Variants in TCOF1 observed in about 807,000 individuals in gnomAD.
TCOF1 encodes treacle protein.
Under a neutral mutation model 149.0 loss-of-function variants are expected in TCOF1, and 33 were observed. That is an observed-to-expected ratio of 0.22 (90% CI 0.17 to 0.30). The LOEUF (loss-of-function observed/expected upper bound fraction) is 0.30, where lower values mean the gene tolerates loss of function less well. Among genes scored for constraint, TCOF1 ranks in the 10% least tolerant of loss-of-function variants. The pLI is 1.00. For synonymous variants in TCOF1, 789 were observed against 738.8 expected, an observed-to-expected ratio of 1.07 and a Z score of -1.10; for missense variants, 1,728 against 1,840.7, an observed-to-expected ratio of 0.94 and a Z score of 1.12.
chr5:150,363,308 G>A (rs534431269), intron 2 of TCOF1, among the ~76,000 whole-genome samples: 1 of 152,270 alleles, frequency 6.6e-6, no homozygotes, highest in South Asian at 2.1e-4. Flanking sequence ...TGGGAACAAG[G>A]GACCCTACTA....
At position 150,364,211 on chromosome 5, in the gene TCOF1, C is replaced by G; in HGVS notation, c.263C>G (p.Ser88Trp). ...GACCCCATCAGCACCTCGGAGAGCT[C>G]GGAAGAGGAGGAAGAAGCAGAAGCC... Reference protein sequence around the residue: ...VSDPISTSESSEEEEEAEAET... With the variant: ...VSDPISTSESWEEEEEAEAET... Residue 88 changes from serine (S) to tryptophan (W), a missense_variant, in exon 3 of 27, where the codon TCG (serine) becomes TGG (tryptophan). Physicochemically the swap from Ser to Trp is radical, Grantham distance 177. Around this residue, in one of 2 missense-constraint regions of TCOF1, gnomAD observed 1,696 missense variants for 1,765.4 expected, o/e 0.96. Transcript: ENST00000643257. 3 of 1,614,036 alleles carry G rather than the reference C, an allele frequency of 1.9e-6. No homozygotes were observed. Among genetic ancestry groups the G allele is most frequent in the Non-Finnish European group, 2.5e-6 (3 of 1,180,002 alleles).
At chr5:150,374,485 C>G in intron 8 of TCOF1, 99 bp downstream of exon 8, 1 of 1,554,352 alleles carries the variant, frequency 6.4e-7, no homozygotes, top group Non-Finnish European at 8.7e-7. Context: ...CCGGGCGTGC[C>G]TCAGACCCCA....
Position 150,375,719 on chromosome 5 carries a change from A to G in TCOF1, c.1705-2A>G. 6.2e-7 allele frequency: 1 copy of G among 1,614,228 alleles called. No individual in the cohort carries two copies. The highest frequency in any genetic ancestry group is 8.5e-7 in the Non-Finnish European group (1 of 1,180,034). ...CTCCCGATCCTGTGTATCTCACTCC[A>G]GGAAAAGTCCTTGGGGAACATCCTC... On this transcript the variant is annotated splice_acceptor_variant, in intron 11 of 26. Transcript: ENST00000643257. LOFTEE classifies it high-confidence loss of function.
chr5:150,367,349 C>T (rs543017214), intron 3 of TCOF1, among the ~76,000 whole-genome samples: 12 of 152,266 alleles, frequency 7.9e-5, no homozygotes, highest in South Asian at 2.1e-4. Context: ...CGATATCTAA[C>T]GGGGCCCAGG....
chr5:150,389,762 A>G (rs1156887495), intron 18 of TCOF1, 125 bp from the exon 19 acceptor site: 6 of 1,544,050 alleles, frequency 3.9e-6, no homozygotes, highest in East Asian at 2.4e-5. Flanking sequence ...ACAAGCTTCT[A>G]CCTCTGTAAG....
intron 8 of TCOF1, 106 bp from the exon 9 acceptor site, chr5:150,374,511 C>G (rs1562339841): frequency 6.3e-7 from 1 of 1,576,536 alleles, no homozygotes; most frequent in South Asian, 1.1e-5. Context: ...TTACTCCCCT[C>G]TCACTGTGTG....
intron 2 of TCOF1, among the ~76,000 whole-genome samples, chr5:150,362,210 T>C (rs1376549343): frequency 1.2e-4 from 18 of 152,050 alleles, no homozygotes; most frequent in Admixed American, 1.2e-3. Flanking sequence ...ACATGTTGAG[T>C]GTGAGATGCC....
At chr5:150,385,249 A>G (rs572383510) in intron 17 of TCOF1, among the ~76,000 whole-genome samples, 1 of 152,328 alleles carries the variant, frequency 6.6e-6, no homozygotes, top group Admixed American at 6.5e-5. Context: ...GGTTGAATCA[A>G]AGAAAAAGGA....
intron 2 of TCOF1, among the ~76,000 whole-genome samples, chr5:150,363,061 C>T (rs1457991214): frequency 6.6e-6 from 1 of 152,116 alleles, no homozygotes; most frequent in Non-Finnish European, 1.5e-5. Flanking sequence ...GAGGGTTAGA[C>T]ACAGTGCTCC....
chr5:150,379,857 A>AG (rs1428068913), intron 17 of TCOF1, 125 bp downstream of exon 17: 4 of 1,223,858 alleles, frequency 3.3e-6, no homozygotes, highest in Non-Finnish European at 4.7e-6. Flanking sequence ...GTATCACTTG[A>AG]GGTCAGGGGT....
At chr5:150,398,297 AC>A (rs1769003790) in intron 24 of TCOF1, 56 bp from the exon 25 acceptor site, 3 of 1,609,032 alleles carry the variant, frequency 1.9e-6, no homozygotes, top group Non-Finnish European at 2.5e-6. Context: ...CCCAACATTG[AC>A]CCCAGCACTT....
intron 22 of TCOF1, chr5:150,393,091 A>G: frequency 1.7e-6 from 1 of 589,076 alleles, no homozygotes; most frequent in Non-Finnish European, 3.0e-6. Flanking sequence ...TAAGGTTACT[A>G]TCTGTATGTG....
chr5:150,376,685 G>A, intron 14 of TCOF1, 65 bp downstream of exon 14: 5 of 1,511,444 alleles, frequency 3.3e-6, no homozygotes, highest in Non-Finnish European at 4.5e-6. Context: ...CTGAGGATGG[G>A]CTTGACTGGG....
At chr5:150,362,698 C>G (rs1760416298) in intron 2 of TCOF1, among the ~76,000 whole-genome samples, 1 of 152,094 alleles carries the variant, frequency 6.6e-6, no homozygotes, top group Non-Finnish European at 1.5e-5. Context: ...CTTTGAAAAC[C>G]CTGCCAACCC....
intron 18 of TCOF1, among the ~76,000 whole-genome samples, chr5:150,388,477 A>C (rs1766736006): frequency 6.6e-6 from 1 of 152,188 alleles, no homozygotes; most frequent in Non-Finnish European, 1.5e-5. Flanking sequence ...TAAGCCAGAG[A>C]CATCACAGGG....
chr5:150,375,995 G>A, intron 12 of TCOF1, 86 bp downstream of exon 12: 1 of 1,613,776 alleles, frequency 6.2e-7, no homozygotes. Flanking sequence ...CCCTCAGGCA[G>A]AGCATGGGTT....
chr5:150,362,962 G>T (rs946341618), intron 2 of TCOF1, among the ~76,000 whole-genome samples: 1 of 152,212 alleles, frequency 6.6e-6, no homozygotes, highest in East Asian at 1.9e-4. Context: ...CTAGCTGTAT[G>T]TATGACCTTG....
rs370024169 is a variant in TCOF1 at position 150,375,893 on chromosome 5, C to T, written c.1877C>T (p.Ala626Val). ...GCGGACAGTGAGGAGGCACCAGCAG[C>T]CATGACTGCAGCTCAGGTGAGGCCT... ...DSADSEEAPAAMTAAQAKPAL... is the reference protein window; with the variant it reads ...DSADSEEAPAVMTAAQAKPAL... Residue 626 changes from alanine (A) to valine (V), a missense_variant, in exon 12 of 27, where the codon GCC (alanine) becomes GTC (valine). Transcript: ENST00000643257. The T allele has an allele frequency of 2.5e-6, 4 of 1,614,104 alleles. No homozygotes were observed. The highest frequency in any genetic ancestry group is 3.4e-6 in the Non-Finnish European group (4 of 1,180,050).
intron 18 of TCOF1, 58 bp from the exon 19 acceptor site, chr5:150,389,829 G>A: frequency 6.2e-7 from 1 of 1,613,584 alleles, no homozygotes; most frequent in Non-Finnish European, 8.5e-7. Context: ...TATTGCCGCT[G>A]CTGAGGAGGC....
Sources: allele counts gnomAD v4.1 joint callset (sites outside exome capture counted in the v4.1 genomes callset), GRCh38; gene constraint gnomAD v4.1.1; regional missense constraint gnomAD v4.1.1; transcripts MANE v1.5; gene names NCBI Gene and HGNC (gene_info 2026-07-23, HGNC 2026-07-21).